The following CSRP3 variants were observed in gnomAD, a reference collection of about 807,000 sequenced individuals.
CSRP3 encodes the protein cysteine and glycine rich protein 3, also known as cysteine and glycine-rich protein 3.
A neutral mutation model predicts 24.3 loss-of-function variants in CSRP3; 24 were observed. That is an observed-to-expected ratio of 0.99 (90% CI 0.71 to 1.39). CSRP3 has a LOEUF of 1.39. CSRP3 is among the 40% of genes most tolerant of loss of function. The probability of loss-of-function intolerance (pLI) is 0.00; values close to 1 mark genes in which losing one functional copy is unlikely to be tolerated. For missense variants in CSRP3, 240 were observed against 249.0 expected (o/e 0.96, Z 0.24); for synonymous variants, 105 against 94.0 (o/e 1.12, Z -0.68).
At chr11:19,191,138 G>T (rs56090946) in intron 2 of CSRP3, among the ~76,000 whole-genome samples, 4,308 of 152,322 alleles carry the variant, frequency 0.028, 100 homozygotes, top group Middle Eastern at 0.041. Flanking sequence ...TATAAGTGGA[G>T]AAATTGAGGT....
chr11:19,197,191 A>T (rs1228049711), intron 1 of CSRP3, among the ~76,000 whole-genome samples: 1 of 152,146 alleles, frequency 6.6e-6, no homozygotes, highest in Non-Finnish European at 1.5e-5. Context: ...AAGTACTGTC[A>T]TATCATTCTG....
chr11:19,194,454 G>T (rs898899162), intron 1 of CSRP3, among the ~76,000 whole-genome samples: 4 of 152,118 alleles, frequency 2.6e-5, no homozygotes, highest in African/African-American at 9.7e-5. Flanking sequence ...AAGGCAGGAG[G>T]ATCACTAGCC....
intron 3 of CSRP3, 150 bp from the exon 4 acceptor site, chr11:19,186,498 T>C: frequency 9.3e-7 from 1 of 1,069,542 alleles, no homozygotes; most frequent in Non-Finnish European, 1.4e-6. Flanking sequence ...TCTCATAGCG[T>C]TGTTGAGAGG....
intron 2 of CSRP3, among the ~76,000 whole-genome samples, chr11:19,190,049 G>A (rs2133513567): frequency 6.6e-6 from 1 of 152,366 alleles, no homozygotes; most frequent in Middle Eastern, 3.4e-3. Flanking sequence ...TTTAGCACAA[G>A]GCCTGGGCCA....
chr11:19,197,567 CT>C (rs1205826214), intron 1 of CSRP3, among the ~76,000 whole-genome samples: 15 of 123,146 alleles, frequency 1.2e-4, no homozygotes, highest in African/African-American at 3.8e-4. Flanking sequence ...TTCTTTCTTT[CT>C]TTCTTTCTTC....
intron 2 of CSRP3, among the ~76,000 whole-genome samples, chr11:19,191,179 T>A (rs721067): frequency 0.12 from 17,506 of 152,180 alleles, 1,300 homozygotes; most frequent in African/African-American, 0.2. Flanking sequence ...GCCCAAAATC[T>A]CAGTGAGTAC....
rs181530945 is a variant in CSRP3 at position 19,182,694 on chromosome 11, T to C, written c.561A>G (p.Thr187=). 3.1e-6 allele frequency: 5 copies of C among 1,614,190 alleles called. No homozygotes were observed. ...TTCATTCTTTCTTTTCCACTTGTTGTGTAAGGCCTCCAAACCCAATACCCG... is the reference window on the plus strand; with the variant it reads ...TTCATTCTTTCTTTTCCACTTGTTGCGTAAGGCCTCCAAACCCAATACCCG... ...GPTGIGFGGL[T]QQVEKKE Residue 187 remains threonine, a synonymous_variant, in exon 6 of 6, where the codon ACA becomes ACG. Coordinates refer to ENST00000265968, the MANE Select transcript of CSRP3 (RefSeq NM_003476.5).
rs188117175 is a variant in CSRP3, at chr11:19,182,047, G to A, written c.*623C>T. On this transcript the variant is annotated 3_prime_UTR_variant, in exon 6 of 6. Transcript: ENST00000265968. Reference sequence around the variant, plus strand: ...TCCTCATGTCATTTATAATACAGAGGCAAATGCCACGCTTTATTGTCATTT... The same window carrying A: ...TCCTCATGTCATTTATAATACAGAGACAAATGCCACGCTTTATTGTCATTT... 6.5e-6 allele frequency: 1 copy of A among 152,846 alleles called. No individual in the cohort carries two copies. The highest frequency in any genetic ancestry group is 6.5e-5 in the Admixed American group (1 of 15,390). The allele number at this position is 152,846 out of a possible 1,614,324, so 9.5% of individuals were successfully genotyped here.
At chr11:19,185,572 A>G (rs746862776) in intron 4 of CSRP3, among the ~76,000 whole-genome samples, 2 of 152,162 alleles carry the variant, frequency 1.3e-5, no homozygotes, top group African/African-American at 4.8e-5. Context: ...GGCTTCTCCT[A>G]TGTCTTCAAA....
At position 19,188,303 on chromosome 11, in the gene CSRP3, C is replaced by G. The variant is rs769986102; in HGVS notation, c.114G>C (p.Met38Ile). 12 of 1,612,252 alleles carry G rather than the reference C, an allele frequency of 7.4e-6. No individual in the cohort carries two copies. The highest frequency in any genetic ancestry group is 1.0e-5 in the Non-Finnish European group (12 of 1,180,008). ...TGCTGTCAAGAGCCTTCCTGCAGGCCACTGCCAGGAAAAGGAAGGGTCATG... is the reference window on the plus strand; with the variant it reads ...TGCTGTCAAGAGCCTTCCTGCAGGCGACTGCCAGGAAAAGGAAGGGTCATG... ...RSFHKTCFHC[M>I]ACRKALDSTT... The change falls in exon 3 of 6, where the codon ATG (methionine) becomes ATC (isoleucine). Residue 38 changes from methionine (M) to isoleucine (I), a missense_variant and splice_region_variant. Met to Ile is a conservative substitution (Grantham distance 10, BLOSUM62 1). Coordinates refer to ENST00000265968, the MANE Select transcript of CSRP3 (RefSeq NM_003476.5).
In CSRP3 at chr11:19,182,606, T is replaced by C; in HGVS notation, c.*64A>G. ...GAGGCTATTTGGGGAAAGGTATCGA[T>C]CTGTGCAGGATTACTTGGCAAGTGT... On this transcript the variant is annotated 3_prime_UTR_variant, in exon 6 of 6. Coordinates refer to ENST00000265968, the MANE Select transcript of CSRP3 (RefSeq NM_003476.5). 7.8e-7 allele frequency: 1 copy of C among 1,287,238 alleles called. No homozygotes were observed. Among genetic ancestry groups the C allele is most frequent in the Non-Finnish European group, 1.1e-6 (1 of 881,452 alleles). 79.7% of individuals were successfully genotyped at this position (1,287,238 alleles called of 1,614,324 possible). A position where few individuals can be genotyped will look rare whatever the true frequency, so the allele number is the denominator to read the frequency against.
chr11:19,186,471 G>T (rs755957147), intron 3 of CSRP3, 123 bp from the exon 4 acceptor site: 1 of 1,218,810 alleles, frequency 8.2e-7, no homozygotes. Flanking sequence ...GGAAAATGGG[G>T]ATAATGATGG....
At chr11:19,201,802 C>T (rs1230646181) in intron 1 of CSRP3, among the ~76,000 whole-genome samples, 152 bp downstream of exon 1, 2 of 152,230 alleles carry the variant, frequency 1.3e-5, no homozygotes, top group South Asian at 2.1e-4. Context: ...ACACCAGAGT[C>T]AAGTACAACT....
rs747850845 is a variant in CSRP3, at chr11:19,197,501, CTCTTTCTTTCTTTCTTTCTT to C, written c.-29+4433_-29+4452del. On this transcript the variant is annotated intron_variant, in intron 1 of 5. Transcript: ENST00000265968. Reference sequence around the variant, plus strand: ...TCCATCTCTTTCTCTCCCTCTTTTCCTCTTTCTTTCTTTCTTTCTTTCTTTCTTTCTTTCTTTCTTTCTTT... The same window carrying C: ...TCCATCTCTTTCTCTCCCTCTTTTCCTCTTTCTTTCTTTCTTTCTTTCTTT... 6.1e-3 allele frequency among the ~76,000 whole-genome samples: 408 copies of C among 67,124 alleles called. 2 individuals carry two copies. The highest frequency in any genetic ancestry group is 0.018 in the South Asian group (28 of 1,584). 44.0% of individuals were successfully genotyped at this position (67,124 alleles called of 152,430 possible). A position where few individuals can be genotyped will look rare whatever the true frequency, so the allele number is the denominator to read the frequency against.
rs869090928 is a variant in CSRP3 at position 19,197,388 on chromosome 11, CCCTTCCTTCCTTCCTTCCTTCCTT to C, written c.-29+4542_-29+4565del. ...TCCCTCCCTCCCTCCCTCCCTCCCT[CCCTTCCTTCCTTCCTTCCTTCCTT>C]CCTTCCTTCCTTCCTTCCCTCCTTC... On this transcript the variant is annotated intron_variant, in intron 1 of 5. Coordinates refer to ENST00000265968, the MANE Select transcript of CSRP3 (RefSeq NM_003476.5). Among the ~76,000 whole-genome samples the C allele has an allele frequency of 4.4e-3, 48 of 10,840 alleles. 2 individuals carry two copies. The highest frequency in any genetic ancestry group is 0.013 in the African/African-American group (43 of 3,330). The allele number at this position is 10,840 out of a possible 152,430, so 7.1% of individuals were successfully genotyped here.
At chr11:19,197,557 TTC>T (rs1491561492) in intron 1 of CSRP3, among the ~76,000 whole-genome samples, 5 of 143,658 alleles carry the variant, frequency 3.5e-5, no homozygotes, top group African/African-American at 1.1e-4. Context: ...CTTTCTTTCT[TTC>T]TTTCTTTCTT....
intron 1 of CSRP3, among the ~76,000 whole-genome samples, chr11:19,198,474 A>T (rs1414289679): frequency 6.6e-6 from 1 of 152,246 alleles, no homozygotes; most frequent in Non-Finnish European, 1.5e-5. Flanking sequence ...CAACATGGAA[A>T]GGGCTTCCTT....
intron 1 of CSRP3, among the ~76,000 whole-genome samples, chr11:19,199,826 A>G (rs1850806263): frequency 6.6e-6 from 1 of 152,190 alleles, no homozygotes; most frequent in Non-Finnish European, 1.5e-5. Context: ...ACTGGGATGA[A>G]TAACTGCAGT....
chr11:19,187,502 A>G (rs1235802443), intron 3 of CSRP3, among the ~76,000 whole-genome samples: 1 of 152,234 alleles, frequency 6.6e-6, no homozygotes, highest in Non-Finnish European at 1.5e-5. Flanking sequence ...CTGGAGGTCA[A>G]TGTGGTTATC....
Sources: allele counts gnomAD v4.1 joint callset (sites outside exome capture counted in the v4.1 genomes callset), GRCh38; gene constraint gnomAD v4.1.1; transcripts MANE v1.5; gene names NCBI Gene and HGNC (gene_info 2026-07-23, HGNC 2026-07-21).